Variants in VEGFA observed in about 807,000 individuals in gnomAD.
VEGFA encodes vascular endothelial growth factor A, long form.
Under a neutral mutation model 49.7 loss-of-function variants are expected in VEGFA, and 20 were observed. That is an observed-to-expected ratio of 0.40 (90% CI 0.28 to 0.58). The LOEUF is 0.58. Among genes scored for constraint, VEGFA ranks in the 20% least tolerant of loss-of-function variants. The pLI is 0.40. For missense variants in VEGFA, 505 were observed against 553.5 expected (o/e 0.91, Z 0.88); for synonymous variants, 219 against 223.4 (o/e 0.98, Z 0.18).
At position 43,777,434 on chromosome 6, in the gene VEGFA, C is replaced by T. The variant is rs568779287; in HGVS notation, c.659-35C>T. On this transcript the variant is annotated intron_variant, in intron 2 of 7. Coordinates refer to ENST00000672860, the MANE Select transcript of VEGFA (RefSeq NM_003376.6). The surrounding 1 kb of genome is among the most constrained non-coding windows in gnomAD (Gnocchi z 4.3). ...GAGGGGCTAGCCATCTTTTGTGTCG[C>T]CCACCGGGCTCATGTGTCATCGCCT... The T allele has an allele frequency of 8.1e-6, 13 of 1,612,056 alleles. No homozygotes were observed. The highest frequency in any genetic ancestry group is 1.1e-5 in the Non-Finnish European group (13 of 1,179,606).
intron 1 of VEGFA, chr6:43,772,035 G>T: frequency 1.0e-6 from 1 of 985,398 alleles, no homozygotes; most frequent in African/African-American, 1.7e-5. Flanking sequence ...TGCCCGAATG[G>T]GGAGCCCAGA....
chr6:43,774,463 T>A, intron 2 of VEGFA, 71 bp downstream of exon 2: 1 of 1,561,594 alleles, frequency 6.4e-7, no homozygotes, highest in Non-Finnish European at 8.8e-7. Context: ...TAATTCCTTT[T>A]TCTTCAGAAC....
At chr6:43,780,671 A>T (rs1251588199) in intron 5 of VEGFA, 61 bp from the exon 6 acceptor site, 1 of 1,482,368 alleles carries the variant, frequency 6.7e-7, no homozygotes, top group Non-Finnish European at 9.1e-7. Flanking sequence ...CCACCTTACC[A>T]CTTCTTTTAC....
rs1764005902 is a variant in VEGFA, at chr6:43,772,665, A to G, written c.606+1353A>G. Among the ~76,000 whole-genome samples the G allele has an allele frequency of 3.3e-5, 5 of 151,992 alleles. 1 individual carries two copies. The South Asian group carries it at 1.0e-3, about 32-fold the overall frequency. The stretch of plus-strand genomic sequence containing the variant: ...TTGGAACTCCAAACCTGCCCACCCA[A>G]CTTGCTTCTGAAAGGGACTCTAAAG... On this transcript the variant is annotated intron_variant, in intron 1 of 7. Transcript: ENST00000672860.
intron 4 of VEGFA, 158 bp from the exon 5 acceptor site, chr6:43,778,731 T>C: frequency 9.9e-7 from 1 of 1,006,206 alleles, no homozygotes; most frequent in South Asian, 1.4e-5. Context: ...AGCATTGTTA[T>C]AATGATTAAA....
At chr6:43,771,376 G>C (rs1763484954) in intron 1 of VEGFA, 64 bp downstream of exon 1, 2 of 1,534,858 alleles carry the variant, frequency 1.3e-6, no homozygotes, top group Admixed American at 3.8e-5. Context: ...CTGGGGACGT[G>C]CGTGCGAGCG....
rs1582498241 is a variant in VEGFA at position 43,777,563 on chromosome 6, C to T, written c.753C>T (p.Tyr251=). The T allele has an allele frequency of 6.2e-7, 1 of 1,614,166 alleles. No homozygotes were observed. The highest frequency in any genetic ancestry group is 8.5e-7 in the Non-Finnish European group (1 of 1,180,038). The change falls in exon 3 of 8, where the codon TAC becomes TAT. Residue 251 remains tyrosine, a synonymous_variant. Coordinates refer to ENST00000672860, the MANE Select transcript of VEGFA (RefSeq NM_003376.6). The surrounding 1 kb of genome is among the most constrained non-coding windows in gnomAD (Gnocchi z 4.3). ...AGGAGTACCCTGATGAGATCGAGTA[C>T]ATCTTCAAGCCATCCTGTGTGCCCC...
intron 1 of VEGFA, among the ~76,000 whole-genome samples, chr6:43,771,722 C>T (rs1044004758): frequency 4.6e-5 from 7 of 152,250 alleles, no homozygotes; most frequent in Non-Finnish European, 7.4e-5. Context: ...GCAGGGGGTG[C>T]TCGGACCTTG....
chr6:43,774,229 A>G, intron 1 of VEGFA, 112 bp from the exon 2 acceptor site: 1 of 1,165,400 alleles, frequency 8.6e-7, no homozygotes, highest in Non-Finnish European at 1.3e-6. Flanking sequence ...GACTTGGAGA[A>G]GCCAGAGGCT....
At chr6:43,782,544 G>T (rs1233629127) in intron 7 of VEGFA, 1 of 270,650 alleles carries the variant, frequency 3.7e-6, no homozygotes, top group Non-Finnish European at 7.3e-6. Context: ...AGTCTGCATG[G>T]CTGGGCTTCT....
At position 43,780,715 on chromosome 6, in the gene VEGFA, G is replaced by C; in HGVS notation, c.963-17G>C. On this transcript the variant is annotated splice_polypyrimidine_tract_variant and intron_variant, in intron 5 of 7. Transcript: ENST00000672860. ...CCGCCCCCGCTCTCTCTCTGTCTCT[G>C]TTTTTTTATTTTCCAGAAAATCAGT... 1 of 1,604,442 alleles carries C rather than the reference G, an allele frequency of 6.2e-7. No homozygotes were observed. Among genetic ancestry groups the C allele is most frequent in the South Asian group, 1.1e-5 (1 of 90,708 alleles).
intron 7 of VEGFA, chr6:43,784,132 A>G (rs1431992109): frequency 3.3e-6 from 1 of 300,308 alleles, no homozygotes; most frequent in African/African-American, 2.2e-5. Context: ...ACTGAACTGA[A>G]AACCCTCCTC....
chr6:43,781,811 C>A (rs74754942), intron 6 of VEGFA, 145 bp from the exon 7 acceptor site: 1 of 1,064,076 alleles, frequency 9.4e-7, no homozygotes, highest in Non-Finnish European at 1.4e-6. Flanking sequence ...TTTGCTGTAG[C>A]GCTCGGATCC....
At chr6:43,781,873 T>G in intron 6 of VEGFA, 83 bp from the exon 7 acceptor site, 10 of 1,546,922 alleles carry the variant, frequency 6.5e-6, no homozygotes, top group East Asian at 2.3e-5. Flanking sequence ...TGCGGACATG[T>G]TAGGGGGTGT....
rs4392721 is a variant in VEGFA at position 43,773,464 on chromosome 6, G to A, written c.607-877G>A. The A allele has an allele frequency of 0.055, 8,329 of 152,332 alleles. 305 individuals are homozygous for A. Among genetic ancestry groups the A allele is most frequent in the Admixed American group, 0.1 (1,524 of 15,308 alleles). 9.4% of individuals were successfully genotyped at this position (152,332 alleles called of 1,614,324 possible). A position where few individuals can be genotyped will look rare whatever the true frequency, so the allele number is the denominator to read the frequency against. ...GGCGAGGGGAGGAATGATCTGATGCGGGTGGGGAGGGTTAGAGGAGGCCTC... is the reference window on the plus strand; with the variant it reads ...GGCGAGGGGAGGAATGATCTGATGCAGGTGGGGAGGGTTAGAGGAGGCCTC... On this transcript the variant is annotated intron_variant, in intron 1 of 7. Transcript: ENST00000672860. The surrounding 1 kb of genome is among the most constrained non-coding windows in gnomAD (Gnocchi z 5.6).
At chr6:43,779,185 T>C in intron 5 of VEGFA, 1 of 579,028 alleles carries the variant, frequency 1.7e-6, no homozygotes. Context: ...TGACCAGGAC[T>C]TGCTGTTTCG....
chr6:43,779,004 C>G, intron 5 of VEGFA, 86 bp downstream of exon 5: 1 of 1,555,486 alleles, frequency 6.4e-7, no homozygotes, highest in Admixed American at 1.7e-5. Flanking sequence ...TTGGGGGCTC[C>G]CATAGCCTCC....
Position 43,771,109 on chromosome 6 carries a change from G to T in VEGFA, c.403G>T (p.Ala135Ser), listed in dbSNP as rs1331499170. Reference sequence around the variant, plus strand: ...CGCAGACAGTGCTCCAGCCGCGCGCGCTCCCCAGGCCCTGGCCCGGGCCTC... The same window carrying T: ...CGCAGACAGTGCTCCAGCCGCGCGCTCTCCCCAGGCCCTGGCCCGGGCCTC... The change falls in exon 1 of 8, where the codon GCT becomes TCT. Residue 135 changes from alanine (A) to serine (S), a missense_variant. Ala to Ser is a moderately conservative substitution (Grantham distance 99). Transcript: ENST00000672860. The T allele has an allele frequency of 1.4e-6, 2 of 1,464,300 alleles. No individual in the cohort carries two copies. Among genetic ancestry groups the T allele is most frequent in the Admixed American group, 2.5e-5 (1 of 39,318 alleles). The allele number at this position is 1,464,300 out of a possible 1,614,324, so 90.7% of individuals were successfully genotyped here. A position where few individuals can be genotyped will look rare whatever the true frequency, so the allele number is the denominator to read the frequency against.
At position 43,779,931 on chromosome 6, in the gene VEGFA, G is replaced by C. The variant is rs1474525177; in HGVS notation, c.963-801G>C. The C allele has an allele frequency of 9.5e-6, 3 of 316,460 alleles. No individual in the cohort carries two copies. In the East Asian group the frequency reaches 2.4e-4, roughly 25 times the overall value. 19.6% of individuals were successfully genotyped at this position (316,460 alleles called of 1,614,324 possible). On this transcript the variant is annotated intron_variant, in intron 5 of 7. Transcript: ENST00000672860. ...TCCCCAAATGACTGCTCTGCCATGGGGAGAGTAGGGGGCTCGCCTGGGCTC... is the reference window on the plus strand; with the variant it reads ...TCCCCAAATGACTGCTCTGCCATGGCGAGAGTAGGGGGCTCGCCTGGGCTC...
Sources: allele counts gnomAD v4.1 joint callset (sites outside exome capture counted in the v4.1 genomes callset), GRCh38; gene constraint gnomAD v4.1.1; non-coding constraint Gnocchi (gnomAD v3.1); transcripts MANE v1.5; gene names NCBI Gene and HGNC (gene_info 2026-07-23, HGNC 2026-07-21).